Variants in FRMD3 observed in about 807,000 individuals in gnomAD.
The protein encoded by FRMD3 is FERM domain containing 3, also known as FERM domain-containing protein 3.
FRMD3 carries 33 observed loss-of-function variants against 70.2 expected under a neutral mutation model. The observed-to-expected ratio is 0.47, with a 90% CI of 0.36 to 0.63. The LOEUF (loss-of-function observed/expected upper bound fraction) is 0.63. FRMD3 is among the 20% of genes least tolerant of loss of function. The probability of loss-of-function intolerance (pLI) is 0.00; values close to 1 mark genes in which losing one functional copy is unlikely to be tolerated. For missense variants in FRMD3, 632 were observed against 711.4 expected (o/e 0.89, Z 1.27); for synonymous variants, 279 against 255.9 (o/e 1.09, Z -0.86).
rs147066768 is a variant in FRMD3, at chr9:83,407,878, TTCTCTCTCTCTCTC to T, written c.148-18184_148-18171del. On this transcript the variant is annotated intron_variant, in intron 1 of 13. Transcript: ENST00000304195. ...CTCTCTCTCTCTCTCTCTCTCATCT[TTCTCTCTCTCTCTC>T]TCTCTCTCTCTCATCTTTCTCTCTC... Among the ~76,000 whole-genome samples the T allele has an allele frequency of 3.4e-5, 3 of 89,094 alleles. No individual in the cohort carries two copies. In the South Asian group the frequency reaches 1.1e-3, roughly 34 times the overall value. 58.4% of individuals were successfully genotyped at this position (89,094 alleles called of 152,430 possible).
chr9:83,345,605 A>C (rs1313330425), intron 4 of FRMD3, among the ~76,000 whole-genome samples: 1 of 151,896 alleles, frequency 6.6e-6, no homozygotes, highest in East Asian at 1.9e-4. Context: ...AAAATACAAA[A>C]AATTAGTCGG....
At chr9:83,506,859 T>A (rs921796668) in intron 1 of FRMD3, among the ~76,000 whole-genome samples, 1 of 152,260 alleles carries the variant, frequency 6.6e-6, no homozygotes, top group Admixed American at 6.5e-5. Context: ...TTTCTTAATA[T>A]CCTTATTCTA....
At chr9:83,442,880 T>A (rs72745092) in intron 1 of FRMD3, among the ~76,000 whole-genome samples, 16 of 152,160 alleles carry the variant, frequency 1.1e-4, no homozygotes, top group African/African-American at 3.6e-4. Context: ...AAACCAAAAG[T>A]CTTCAGTAGT....
chr9:83,332,893 C>T (rs1823438270), intron 6 of FRMD3, among the ~76,000 whole-genome samples: 1 of 152,188 alleles, frequency 6.6e-6, no homozygotes, highest in South Asian at 2.1e-4. Flanking sequence ...TTGGTGCAGC[C>T]AAGCACAGGT....
At chr9:83,350,400 G>C (rs1227019845) in intron 3 of FRMD3, among the ~76,000 whole-genome samples, 3 of 151,586 alleles carry the variant, frequency 2.0e-5, no homozygotes, top group Non-Finnish European at 4.4e-5. Flanking sequence ...AAGGCAGGCA[G>C]ATCACCTGAG....
the FRMD3 span, among the ~76,000 whole-genome samples, chr9:83,553,858 T>C: frequency 6.6e-6 from 1 of 152,232 alleles, no homozygotes; most frequent in East Asian, 1.9e-4. Flanking sequence ...TTTCTGTCAT[T>C]ACAACCAGTT....
At chr9:83,580,629 T>C in the FRMD3 span, among the ~76,000 whole-genome samples, 1 of 151,982 alleles carries the variant, frequency 6.6e-6, no homozygotes, top group Non-Finnish European at 1.5e-5. Context: ...ATCAAGAGAA[T>C]GAACGGGGAA....
At chr9:83,339,428 C>T (rs978626230) in intron 5 of FRMD3, among the ~76,000 whole-genome samples, 10 of 152,274 alleles carry the variant, frequency 6.6e-5, no homozygotes, top group South Asian at 2.1e-4. Context: ...GGAGGCCCTG[C>T]GGTTTGAAAC....
At chr9:83,263,752 G>C (rs1833098311) in intron 13 of FRMD3, among the ~76,000 whole-genome samples, 1 of 152,120 alleles carries the variant, frequency 6.6e-6, no homozygotes, top group Middle Eastern at 3.2e-3. Context: ...AAAGCAGGTG[G>C]TTTACTGCAT....
intron 13 of FRMD3, among the ~76,000 whole-genome samples, chr9:83,272,342 A>T (rs994471164): frequency 7.9e-5 from 12 of 151,442 alleles, no homozygotes; most frequent in African/African-American, 2.9e-4. Context: ...TCCTAACCCC[A>T]AGTGATCTGC....
At chr9:83,385,754 T>C (rs1272592208) in intron 2 of FRMD3, among the ~76,000 whole-genome samples, 1 of 151,962 alleles carries the variant, frequency 6.6e-6, no homozygotes, top group Admixed American at 6.6e-5. Context: ...AAAAAAAATG[T>C]TGGTCAATTA....
chr9:83,526,587 C>G (rs187445524), intron 1 of FRMD3, among the ~76,000 whole-genome samples: 10 of 152,320 alleles, frequency 6.6e-5, no homozygotes, highest in Admixed American at 4.6e-4. Flanking sequence ...CCAGCCTGCA[C>G]TTGGTGCCTC....
intron 13 of FRMD3, among the ~76,000 whole-genome samples, chr9:83,287,387 A>G (rs1203684174): frequency 6.6e-6 from 1 of 152,216 alleles, no homozygotes; most frequent in African/African-American, 2.4e-5. Context: ...TCTGAGGTTG[A>G]AAAACTCTGC....
chr9:83,470,565 T>C (rs533904995), intron 1 of FRMD3, among the ~76,000 whole-genome samples: 42 of 152,224 alleles, frequency 2.8e-4, no homozygotes, highest in Non-Finnish European at 5.0e-4. Context: ...ATTTGAATTG[T>C]CAGCCTCAAA....
At chr9:83,464,584 G>T (rs1220727136) in intron 1 of FRMD3, among the ~76,000 whole-genome samples, 1 of 152,138 alleles carries the variant, frequency 6.6e-6, no homozygotes, top group African/African-American at 2.4e-5. Context: ...ACCTCAATCT[G>T]ATCGAAACCC....
At chr9:83,361,599 C>T (rs911983935) in intron 3 of FRMD3, among the ~76,000 whole-genome samples, 1 of 152,086 alleles carries the variant, frequency 6.6e-6, no homozygotes, top group African/African-American at 2.4e-5. Context: ...AAGAAAAATG[C>T]TGAGAGTACT....
chr9:83,256,176 T>A (rs1832698809), intron 13 of FRMD3, among the ~76,000 whole-genome samples: 1 of 151,918 alleles, frequency 6.6e-6, no homozygotes, highest in African/African-American at 2.4e-5. Flanking sequence ...AACAGACACA[T>A]AGACCAATGG....
rs1350858412 is a variant in FRMD3, at chr9:83,413,981, T to C, written c.148-24273A>G. On this transcript the variant is annotated intron_variant, in intron 1 of 13. Coordinates refer to ENST00000304195, the MANE Select transcript of FRMD3 (RefSeq NM_174938.6). ...CTAGCAGGAACCAGCCGGGAGACCA[T>C]ACAAAGTGTTGAAATTCCCTTTTTG... Among the ~76,000 whole-genome samples, 5 of 152,196 alleles carry C rather than the reference T, an allele frequency of 3.3e-5. No homozygotes were observed. The East Asian group carries it at 9.6e-4, about 29-fold the overall frequency.
chr9:83,451,068 TA>T (rs1827639694), intron 1 of FRMD3, among the ~76,000 whole-genome samples: 1 of 152,216 alleles, frequency 6.6e-6, no homozygotes, highest in African/African-American at 2.4e-5. Context: ...AATTTGTTTT[TA>T]TGACAAAAAC....
Sources: gnomAD v4.1 joint callset for allele counts (sites outside exome capture counted in the v4.1 genomes callset) on GRCh38, gnomAD v4.1.1 for gene constraint, MANE v1.5 for transcripts, NCBI Gene and HGNC (gene_info 2026-07-23, HGNC 2026-07-21) for gene names.